Variants in NAALADL2 observed in about 807,000 individuals in gnomAD.
The protein encoded by NAALADL2 is N-acetylated alpha-linked acidic dipeptidase like 2.
NAALADL2 carries 76 observed loss-of-function variants against 87.2 expected under a neutral mutation model. The observed-to-expected ratio is 0.87, with a 90% CI of 0.72 to 1.05. The LOEUF (loss-of-function observed/expected upper bound fraction) is 1.05. Ranked by LOEUF, NAALADL2 falls within the 50% of genes least tolerant of loss-of-function variation. The pLI, the probability that NAALADL2 is intolerant of heterozygous loss-of-function variation, is 0.00. For missense variants in NAALADL2, 1,089 were observed against 945.8 expected (o/e 1.15, Z -1.99); for synonymous variants, 354 against 331.0 (o/e 1.07, Z -0.75).
intron 3 of NAALADL2, among the ~76,000 whole-genome samples, chr3:174,845,191 C>T (rs1724479051): frequency 6.6e-6 from 1 of 152,150 alleles, no homozygotes; most frequent in Non-Finnish European, 1.5e-5. Context: ...AATGGCTGTG[C>T]AGGACTCTCT....
chr3:175,070,499 T>A (rs969860498), intron 1 of NAALADL2, among the ~76,000 whole-genome samples: 1 of 152,078 alleles, frequency 6.6e-6, no homozygotes, highest in Admixed American at 6.6e-5. Context: ...TTGCTTCAGC[T>A]CATTGATGAA....
At position 175,076,262 on chromosome 3, in the gene NAALADL2, G is replaced by T. The variant is rs1400213552; in HGVS notation, c.44-20528G>T. 2.0e-5 allele frequency among the ~76,000 whole-genome samples: 3 copies of T among 150,274 alleles called. No individual in the cohort carries two copies. The South Asian group carries it at 6.3e-4, about 32-fold the overall frequency. ...GAAAATGAAAAATGTCATAAGAAAA[G>T]ATTAGATGAGATGTGAAAGACATGT... On this transcript the variant is annotated intron_variant, in intron 1 of 13. Transcript: ENST00000454872.
At chr3:175,152,467 CT>C (rs1454220704) in intron 2 of NAALADL2, among the ~76,000 whole-genome samples, 5 of 152,032 alleles carry the variant, frequency 3.3e-5, no homozygotes, top group South Asian at 2.1e-4. Context: ...ATTATTTATA[CT>C]TTTTTATGTA....
At chr3:175,633,990 G>A (rs1030617945) in intron 11 of NAALADL2, among the ~76,000 whole-genome samples, 1 of 151,854 alleles carries the variant, frequency 6.6e-6, no homozygotes, top group East Asian at 1.9e-4. Flanking sequence ...GTGATATTAA[G>A]TTTCAGAATA....
intron 1 of NAALADL2, among the ~76,000 whole-genome samples, chr3:175,002,170 C>T (rs894997858): frequency 2.6e-5 from 4 of 152,006 alleles, no homozygotes; most frequent in African/African-American, 9.7e-5. Flanking sequence ...TTGCTTATTC[C>T]CTGCTCTATG....
intron 11 of NAALADL2, among the ~76,000 whole-genome samples, chr3:175,720,582 T>G (rs1359807998): frequency 4.6e-5 from 7 of 152,002 alleles, no homozygotes; most frequent in Admixed American, 4.6e-4. Flanking sequence ...CCAATATTCA[T>G]TAATGACGTC....
rs1750033299 is a variant in NAALADL2 at position 175,012,879 on chromosome 3, A to G, written c.44-83911A>G. Among the ~76,000 whole-genome samples, 4 of 150,780 alleles carry G rather than the reference A, an allele frequency of 2.7e-5. No homozygotes were observed. The South Asian group carries it at 8.3e-4, about 31-fold the overall frequency. On this transcript the variant is annotated intron_variant, in intron 1 of 13. Coordinates refer to ENST00000454872, the MANE Select transcript of NAALADL2 (RefSeq NM_207015.3). ...TTTAAACATATTTGTATAATCTCCA[A>G]CATTTCAGAAACAAAACCACTTTGT...
At chr3:175,565,723 C>T (rs1489121459) in intron 9 of NAALADL2, among the ~76,000 whole-genome samples, 1 of 152,054 alleles carries the variant, frequency 6.6e-6, no homozygotes, top group African/African-American at 2.4e-5. Context: ...CCCAATTTCT[C>T]CACTGTTAGG....
At chr3:175,304,368 G>A (rs1757449279) in intron 4 of NAALADL2, among the ~76,000 whole-genome samples, 1 of 152,104 alleles carries the variant, frequency 6.6e-6, no homozygotes, top group Non-Finnish European at 1.5e-5. Context: ...AGAAGTTACA[G>A]CTATGTATGT....
chr3:174,989,192 C>A (rs1459478830), intron 1 of NAALADL2, among the ~76,000 whole-genome samples: 1 of 152,164 alleles, frequency 6.6e-6, no homozygotes, highest in African/African-American at 2.4e-5. Context: ...GACTCAAATA[C>A]CTCCCATCGG....
chr3:174,899,982 CTT>C (rs757167302), intron 1 of NAALADL2, among the ~76,000 whole-genome samples: 4 of 151,758 alleles, frequency 2.6e-5, no homozygotes, highest in African/African-American at 9.7e-5. Context: ...TTAAAAAACT[CTT>C]ATTTTATATA....
chr3:174,527,712 C>G (rs1720890377), intron 1 of NAALADL2, among the ~76,000 whole-genome samples: 1 of 152,058 alleles, frequency 6.6e-6, no homozygotes, highest in Admixed American at 6.6e-5. Flanking sequence ...CAGAAATTTA[C>G]ATGGATAATA....
intron 2 of NAALADL2, among the ~76,000 whole-genome samples, chr3:175,232,971 C>A (rs540635195): frequency 2.0e-5 from 3 of 152,082 alleles, no homozygotes; most frequent in South Asian, 4.1e-4. Context: ...AGGTACTATA[C>A]AAAATTTTTA....
In NAALADL2 at chr3:175,682,816, A is replaced by T. The variant is rs114006502; in HGVS notation, c.1897-54490A>T. On this transcript the variant is annotated intron_variant, in intron 11 of 13. Transcript: ENST00000454872. Reference sequence around the variant, plus strand: ...TCTCTAATTTTCAATTGCTTGCTATAATACTTATCATTAAAACTTCAGGAA... The same window carrying T: ...TCTCTAATTTTCAATTGCTTGCTATTATACTTATCATTAAAACTTCAGGAA... 6.2e-4 allele frequency among the ~76,000 whole-genome samples: 95 copies of T among 152,174 alleles called. 1 individual carries two copies. The highest frequency in any genetic ancestry group is 2.2e-3 in the African/African-American group (92 of 41,576).
chr3:175,068,869 G>A lies in NAALADL2; in HGVS notation c.44-27921G>A, dbSNP rs554611199. ...TCTTCCATGGAAAACTCAATTGGGA[G>A]CATGGGTTCCTCTAAAATAGATCAA... On this transcript the variant is annotated intron_variant, in intron 1 of 13. Coordinates refer to ENST00000454872, the MANE Select transcript of NAALADL2 (RefSeq NM_207015.3). 2.0e-5 allele frequency among the ~76,000 whole-genome samples: 3 copies of A among 152,172 alleles called. No homozygotes were observed. In the East Asian group the frequency reaches 5.8e-4, roughly 29 times the overall value.
intron 9 of NAALADL2, among the ~76,000 whole-genome samples, chr3:175,507,089 T>G (rs1278924785): frequency 6.6e-6 from 1 of 151,800 alleles, no homozygotes; most frequent in East Asian, 1.9e-4. Context: ...TGGACAATAT[T>G]TTTTCCTACC....
intron 3 of NAALADL2, among the ~76,000 whole-genome samples, chr3:174,849,782 TAGGCCTACGC>T (rs900110929): frequency 7.5e-5 from 11 of 147,350 alleles, no homozygotes; most frequent in Middle Eastern, 6.9e-3. Flanking sequence ...TACATTAGCC[TAGGCCTACGC>T]AGGGTTAGGA....
chr3:175,117,577 C>T (rs112911339), intron 2 of NAALADL2, among the ~76,000 whole-genome samples: 7,865 of 150,284 alleles, frequency 0.052, 601 homozygotes, highest in African/African-American at 0.17. Flanking sequence ...TACCATCTCA[C>T]ACCAGTTAGA....
At chr3:174,563,944 G>A (rs1046299932) in intron 2 of NAALADL2, among the ~76,000 whole-genome samples, 2 of 152,086 alleles carry the variant, frequency 1.3e-5, no homozygotes, top group Non-Finnish European at 2.9e-5. Flanking sequence ...CCGTAGATGG[G>A]GCTGGTTGGA....
Sources: gnomAD v4.1 joint callset for allele counts (sites outside exome capture counted in the v4.1 genomes callset) on GRCh38, gnomAD v4.1.1 for gene constraint, MANE v1.5 for transcripts, NCBI Gene and HGNC (gene_info 2026-07-23, HGNC 2026-07-21) for gene names.